Variants in UBXN4 observed in about 807,000 individuals in gnomAD.
UBXN4 encodes UBX domain-containing protein 4.
Under a neutral mutation model 66.2 loss-of-function variants are expected in UBXN4, and 35 were observed. The observed-to-expected ratio is 0.53, with a 90% confidence interval of 0.40 to 0.70. UBXN4 has a LOEUF of 0.70. Among genes scored for constraint, UBXN4 ranks in the 30% least tolerant of loss-of-function variants. The pLI is 0.00. For synonymous variants in UBXN4, 203 were observed against 204.5 expected (o/e 0.99, Z 0.06); for missense variants, 533 against 599.8 (o/e 0.89, Z 1.16).
rs901170190 is a variant in UBXN4 at position 135,784,539 on chromosome 2, TTA to T, written c.*1658_*1659del. The T allele has an allele frequency of 6.6e-6, 1 of 152,522 alleles. No homozygotes were observed. Among genetic ancestry groups the T allele is most frequent in the African/African-American group, 2.4e-5 (1 of 41,440 alleles). The allele number at this position is 152,522 out of a possible 1,614,324, so 9.4% of individuals were successfully genotyped here. On this transcript the variant is annotated 3_prime_UTR_variant, in exon 13 of 13. Coordinates refer to ENST00000272638, the MANE Select transcript of UBXN4 (RefSeq NM_014607.4). Reference sequence around the variant, plus strand: ...GATTTTAGTGGTATTTTTGGCACCCTTATATATGTTTTCCAAACTTTCAGCAG... The same window carrying T: ...GATTTTAGTGGTATTTTTGGCACCCTTATATGTTTTCCAAACTTTCAGCAG...
chr2:135,778,931 T>G lies in UBXN4; in HGVS notation c.1054-17T>G. ...CTTTTAAAGGCACTCTTTAAGTTTT[T>G]AAAACTTATTTTACAGACTGTTGGC... On this transcript the variant is annotated splice_polypyrimidine_tract_variant and intron_variant, in intron 10 of 12. Transcript: ENST00000272638. 9.4e-6 allele frequency: 15 copies of G among 1,592,748 alleles called. No individual in the cohort carries two copies. Among genetic ancestry groups the G allele is most frequent in the Non-Finnish European group, 1.3e-5 (15 of 1,171,354 alleles).
chr2:135,780,146 A>G (rs2077440714), intron 11 of UBXN4, 37 bp from the exon 12 acceptor site: 5 of 1,602,068 alleles, frequency 3.1e-6, no homozygotes, highest in Non-Finnish European at 4.3e-6. Context: ...GATTGTGCTA[A>G]CGTAGTCTTT....
chr2:135,759,621 G>A lies in UBXN4; in HGVS notation c.509-2197G>A, dbSNP rs375850478. ...TTGACAAGACTACTTTGTAGATGATGATGTATATTTCTCTCAGGAGATACA... is the reference window on the plus strand; with the variant it reads ...TTGACAAGACTACTTTGTAGATGATAATGTATATTTCTCTCAGGAGATACA... On this transcript the variant is annotated intron_variant, in intron 5 of 12. Transcript: ENST00000272638. Among the ~76,000 whole-genome samples, 142 of 152,196 alleles carry A rather than the reference G, an allele frequency of 9.3e-4. 2 individuals carry two copies. In the South Asian group the frequency reaches 0.027, roughly 29 times the overall value.
intron 1 of UBXN4, among the ~76,000 whole-genome samples, chr2:135,746,334 T>C (rs917364270): frequency 4.6e-5 from 7 of 152,346 alleles, no homozygotes; most frequent in African/African-American, 1.2e-4. Context: ...GTGCCTACTA[T>C]GTTTTGTAGA....
chr2:135,752,234 A>T (rs548843038), intron 2 of UBXN4, among the ~76,000 whole-genome samples: 21 of 152,234 alleles, frequency 1.4e-4, no homozygotes, highest in African/African-American at 5.1e-4. Flanking sequence ...TTTTCAGTAG[A>T]GAGGGAGTTT....
In UBXN4 at chr2:135,780,217, C is replaced by T; in HGVS notation, c.1220C>T (p.Ser407Phe). 1 of 1,614,094 alleles carries T rather than the reference C, an allele frequency of 6.2e-7. No homozygotes were observed. The highest frequency in any genetic ancestry group is 1.7e-5 in the Admixed American group (1 of 60,002). Residue 407 changes from serine (S) to phenylalanine (F), a missense_variant, in exon 12 of 13, where the codon TCC becomes TTC. By Grantham distance (155) the Ser-to-Phe change is radical. Coordinates refer to ENST00000272638, the MANE Select transcript of UBXN4 (RefSeq NM_014607.4). ...GRPTASIVHS[S>F]SGDIWTLLGT... is the part of the protein sequence containing the mutation. ...CCAACTGCATCCATTGTACACTCTT[C>T]CAGCGGAGACATTTGGACCTTGTTG...
chr2:135,754,570 G>A (rs997775230), intron 4 of UBXN4, among the ~76,000 whole-genome samples: 14 of 151,904 alleles, frequency 9.2e-5, no homozygotes, highest in Non-Finnish European at 1.0e-4. Context: ...TGATCTGCCC[G>A]CCTCGGCCTC....
chr2:135,776,225 G>A (rs372149751), intron 9 of UBXN4, 24 bp from the exon 10 acceptor site: 2 of 1,583,682 alleles, frequency 1.3e-6, no homozygotes, highest in African/African-American at 2.7e-5. Context: ...TGAAGATTGT[G>A]ACTTTAATTT....
Position 135,754,226 on chromosome 2 carries a change from A to G in UBXN4, c.282A>G (p.Ala94=). Residue 94 remains alanine, a synonymous_variant, in exon 4 of 13, where the codon GCA becomes GCG. Transcript: ENST00000272638. ...GDSGIPLEVI[A]GSVSADELVT... is the part of the protein sequence containing the mutation. ...GTGGAATTCCCTTGGAAGTAATAGC[A>G]GGAAGTGTTTCTGCAGATGAACTTG... 1 of 1,614,178 alleles carries G rather than the reference A, an allele frequency of 6.2e-7. No individual in the cohort carries two copies.
rs571973409 is a variant in UBXN4, at chr2:135,783,082, C to A, written c.*195C>A. 3 of 526,944 alleles carry A rather than the reference C, an allele frequency of 5.7e-6. No individual in the cohort carries two copies. The African/African-American group carries it at 5.7e-5, about 10-fold the overall frequency. 32.6% of individuals were successfully genotyped at this position (526,944 alleles called of 1,614,324 possible). The stretch of plus-strand genomic sequence containing the variant: ...GACAGGAAATAACTCTCTGCTAGGT[C>A]CTTGCTTATATGGCAACCACTGCTA... On this transcript the variant is annotated 3_prime_UTR_variant, in exon 13 of 13. Transcript: ENST00000272638.
At chr2:135,752,585 T>C (rs2105494092) in intron 2 of UBXN4, among the ~76,000 whole-genome samples, 1 of 152,372 alleles carries the variant, frequency 6.6e-6, no homozygotes, top group Non-Finnish European at 1.5e-5. Context: ...AAGTAAGTCG[T>C]AGGCCTTATG....
At chr2:135,767,196 A>G (rs62170081) in intron 6 of UBXN4, among the ~76,000 whole-genome samples, 20,259 of 152,118 alleles carry the variant, frequency 0.13, 1,656 homozygotes, top group South Asian at 0.29. Context: ...CCTTGTCTCT[A>G]TTAAAAATAC....
rs2077474521 is a variant in UBXN4, at chr2:135,784,925, T to A, written c.*2038T>A. 1 of 152,568 alleles carries A rather than the reference T, an allele frequency of 6.6e-6. No homozygotes were observed. The highest frequency in any genetic ancestry group is 6.5e-5 in the Admixed American group (1 of 15,268). The allele number at this position is 152,568 out of a possible 1,614,324, so 9.5% of individuals were successfully genotyped here. On this transcript the variant is annotated 3_prime_UTR_variant, in exon 13 of 13. Transcript: ENST00000272638. ...GCTGTAAAATGAGAATTCTGCCCCC[T>A]CACCTCTTACCCCAGTACTATTCTC...
At chr2:135,778,321 C>T (rs540378079) in intron 10 of UBXN4, among the ~76,000 whole-genome samples, 2 of 151,154 alleles carry the variant, frequency 1.3e-5, no homozygotes, top group East Asian at 1.9e-4. Flanking sequence ...ACAAGTTAGT[C>T]TCCTTCTTTG....
rs1323021539 is a variant in UBXN4 at position 135,780,269 on chromosome 2, C to T, written c.1272C>T (p.Ala424=). 1 of 1,614,024 alleles carries T rather than the reference C, an allele frequency of 6.2e-7. No individual in the cohort carries two copies. The highest frequency in any genetic ancestry group is 1.3e-5 in the African/African-American group (1 of 74,916). ...GAACAGTGCTTTATCCATTCCTTGC[C>T]ATCTGGAGATTAATTAGCAATTTCT... ...LLGTVLYPFL[A]IWRLISNFLF... is the part of the protein sequence containing the mutation. The change falls in exon 12 of 13, where the codon GCC becomes GCT. Residue 424 remains alanine (A), a synonymous_variant. Transcript: ENST00000272638.
At chr2:135,750,917 G>A (rs1273214300) in intron 2 of UBXN4, among the ~76,000 whole-genome samples, 1 of 127,110 alleles carries the variant, frequency 7.9e-6, no homozygotes, top group Non-Finnish European at 1.6e-5. Context: ...GTGCAGTGGC[G>A]TGATCTCGGC....
chr2:135,780,040 A>T (rs941397265), intron 11 of UBXN4, 143 bp from the exon 12 acceptor site: 2 of 679,254 alleles, frequency 2.9e-6, no homozygotes, highest in African/African-American at 1.8e-5. Flanking sequence ...CGTGAAAAAC[A>T]GCAAAAGATA....
chr2:135,777,690 G>C (rs913167127), intron 10 of UBXN4, among the ~76,000 whole-genome samples: 1 of 147,302 alleles, frequency 6.8e-6, no homozygotes, highest in Non-Finnish European at 1.5e-5. Flanking sequence ...TTTGAGACCA[G>C]GCTGACCAAC....
intron 6 of UBXN4, among the ~76,000 whole-genome samples, chr2:135,762,904 G>A (rs1416774502): frequency 6.6e-6 from 1 of 152,166 alleles, no homozygotes; most frequent in Non-Finnish European, 1.5e-5. Context: ...AAAAAATCTG[G>A]AAAAGGGTTT....
Sources: gnomAD v4.1 joint callset for allele counts (sites outside exome capture counted in the v4.1 genomes callset) on GRCh38, gnomAD v4.1.1 for gene constraint, MANE v1.5 for transcripts, NCBI Gene and HGNC (gene_info 2026-07-23, HGNC 2026-07-21) for gene names.